Variants in GPR107 observed in about 807,000 individuals in gnomAD.
GPR107 encodes the protein protein GPR107.
In GPR107, 31 loss-of-function variants were observed where a neutral mutation model predicts 75.5. That is an observed-to-expected ratio of 0.41 (90% CI 0.31 to 0.55). The LOEUF (loss-of-function observed/expected upper bound fraction) is 0.55, where lower values mean the gene tolerates loss of function less well. GPR107 is among the 20% of genes least tolerant of loss of function. The pLI, the probability that GPR107 is intolerant of heterozygous loss-of-function variation, is 0.26. For synonymous variants in GPR107, 267 were observed against 251.3 expected (o/e 1.06, Z -0.59); for missense variants, 572 against 665.7 (o/e 0.86, Z 1.55).
intron 14 of GPR107, among the ~76,000 whole-genome samples, chr9:130,124,300 G>A (rs80139627): frequency 0.04 from 6,138 of 152,268 alleles, 413 homozygotes; most frequent in African/African-American, 0.14. Context: ...TTTCAGAGCC[G>A]TAGGCAGTGT....
intron 5 of GPR107, among the ~76,000 whole-genome samples, chr9:130,082,376 A>C (rs1830512557): frequency 6.6e-6 from 1 of 152,032 alleles, no homozygotes; most frequent in African/African-American, 2.4e-5. Flanking sequence ...CTTTGTGCTC[A>C]TATCACCGTT....
rs2132575844 is a variant in GPR107 at position 130,083,618 on chromosome 9, C to T, written c.564+16C>T. ...GGATTCAAAGGTAAGAACTAACCAC[C>T]CTTTTGTGCTCAGCTTTTCTGGATA... is the stretch of plus-strand genomic sequence containing the variant. On this transcript the variant is annotated intron_variant, in intron 6 of 17. Coordinates refer to ENST00000347136, the MANE Select transcript of GPR107 (RefSeq NM_020960.5). 7.4e-6 allele frequency: 11 copies of T among 1,489,098 alleles called. No individual in the cohort carries two copies. The highest frequency in any genetic ancestry group is 9.8e-6 in the Non-Finnish European group (11 of 1,119,020). The allele number at this position is 1,489,098 out of a possible 1,614,324, so 92.2% of individuals were successfully genotyped here.
intron 1 of GPR107, among the ~76,000 whole-genome samples, chr9:130,061,188 C>T (rs1237231056): frequency 6.6e-6 from 1 of 152,070 alleles, no homozygotes; most frequent in Admixed American, 6.6e-5. Flanking sequence ...GACTAAGCCC[C>T]GACCTTTGTG....
At chr9:130,081,857 A>C (rs1321521501) in intron 5 of GPR107, among the ~76,000 whole-genome samples, 1 of 152,070 alleles carries the variant, frequency 6.6e-6, no homozygotes, top group Non-Finnish European at 1.5e-5. Flanking sequence ...GCCTGTCTCA[A>C]AACCAACCAC....
intron 15 of GPR107, among the ~76,000 whole-genome samples, chr9:130,125,206 C>T (rs536512666): frequency 2.1e-4 from 30 of 141,872 alleles, no homozygotes; most frequent in African/African-American, 6.2e-4. Context: ...TCAAGCTTTC[C>T]GAGTAGCTGG....
chr9:130,065,214 GC>G (rs1241324302), intron 1 of GPR107, among the ~76,000 whole-genome samples: 5 of 152,100 alleles, frequency 3.3e-5, no homozygotes, highest in Non-Finnish European at 7.4e-5. Context: ...ACTTTGGGAG[GC>G]CGAGGTGGGC....
intron 14 of GPR107, among the ~76,000 whole-genome samples, chr9:130,108,401 T>A: frequency 6.6e-6 from 1 of 152,264 alleles, no homozygotes; most frequent in African/African-American, 2.4e-5. Flanking sequence ...GCATAGTAGC[T>A]GTAAATCTTC....
intron 1 of GPR107, among the ~76,000 whole-genome samples, chr9:130,067,747 G>A (rs1489433714): frequency 1.2e-4 from 6 of 51,772 alleles, no homozygotes; most frequent in African/African-American, 3.0e-4. Flanking sequence ...CCCCCCCACC[G>A]CCCCCTTTTT....
intron 14 of GPR107, chr9:130,108,922 C>T (rs1831227742): frequency 2.9e-6 from 1 of 342,192 alleles, no homozygotes; most frequent in Non-Finnish European, 5.6e-6. Context: ...CCCAGTAAAG[C>T]ACCCTGCCAT....
At chr9:130,068,409 A>G (rs988278356) in intron 1 of GPR107, among the ~76,000 whole-genome samples, 6 of 141,282 alleles carry the variant, frequency 4.2e-5, no homozygotes, top group Non-Finnish European at 9.2e-5. Context: ...CGCGGAATTC[A>G]TTGGCAACTG....
chr9:130,085,003 C>T (rs748154133), intron 6 of GPR107, among the ~76,000 whole-genome samples: 1 of 152,004 alleles, frequency 6.6e-6, no homozygotes, highest in African/African-American at 2.4e-5. Flanking sequence ...AGCACTGGCT[C>T]GTTTGAAGTA....
intron 7 of GPR107, among the ~76,000 whole-genome samples, chr9:130,087,941 G>A (rs923862164): frequency 2.0e-5 from 3 of 151,846 alleles, no homozygotes; most frequent in African/African-American, 7.3e-5. Context: ...CATCTTCTGC[G>A]AAAGCCCCTC....
rs1489454468 is a variant in GPR107, at chr9:130,136,855, A to G, written c.*1734A>G. ...GCCACAGCTGCTCACCTCTCGGCAG[A>G]TATTTTAGGCAAGCATCCGTGTGTC... On this transcript the variant is annotated 3_prime_UTR_variant, in exon 18 of 18. Coordinates refer to ENST00000347136, the MANE Select transcript of GPR107 (RefSeq NM_020960.5). 4 of 152,192 alleles carry G rather than the reference A, an allele frequency of 2.6e-5. No homozygotes were observed. Among genetic ancestry groups the G allele is most frequent in the East Asian group, 1.9e-4 (1 of 5,190 alleles). The allele number at this position is 152,192 out of a possible 1,614,324, so 9.4% of individuals were successfully genotyped here.
At chr9:130,082,076 CTT>C (rs1830505081) in intron 5 of GPR107, among the ~76,000 whole-genome samples, 1 of 152,086 alleles carries the variant, frequency 6.6e-6, no homozygotes, top group East Asian at 1.9e-4. Context: ...GTGCCACACT[CTT>C]TTAAACAACC....
At chr9:130,115,304 A>G (rs1192662065) in intron 14 of GPR107, among the ~76,000 whole-genome samples, 1 of 152,142 alleles carries the variant, frequency 6.6e-6, no homozygotes, top group Non-Finnish European at 1.5e-5. Context: ...TGATTTGGAT[A>G]GGAACACACC....
chr9:130,057,102 T>C (rs1336754084), intron 1 of GPR107, among the ~76,000 whole-genome samples: 1 of 151,884 alleles, frequency 6.6e-6, no homozygotes, highest in Non-Finnish European at 1.5e-5. Context: ...CTGTTTTGCT[T>C]GAGACTGAGT....
At chr9:130,125,080 G>A (rs1295939825) in intron 15 of GPR107, 116 bp downstream of exon 15, 6 of 379,250 alleles carry the variant, frequency 1.6e-5, no homozygotes, top group South Asian at 6.9e-5. Flanking sequence ...GAGCTGAGCA[G>A]TGTGGCTTGC....
At chr9:130,074,427 C>T (rs983894115) in intron 1 of GPR107, among the ~76,000 whole-genome samples, 1 of 152,162 alleles carries the variant, frequency 6.6e-6, no homozygotes, top group Non-Finnish European at 1.5e-5. Context: ...GAAGGTGTTG[C>T]AATTTAGCCA....
In GPR107 at chr9:130,099,475, C is replaced by A; in HGVS notation, c.882C>A (p.Ile294=). ...TTTATAGGAATGATGTATTTAAAAT[C>A]CACTGGCTGATGGCGGCCCTTCCTT... ...LRKRRNDVFK[I]HWLMAALPFT... Residue 294 remains isoleucine, a synonymous_variant, in exon 10 of 18, where the codon ATC becomes ATA. Coordinates refer to ENST00000347136, the MANE Select transcript of GPR107 (RefSeq NM_020960.5). 6.3e-7 allele frequency: 1 copy of A among 1,595,676 alleles called. No homozygotes were observed. The highest frequency in any genetic ancestry group is 8.6e-7 in the Non-Finnish European group (1 of 1,163,380).
Sources: gnomAD v4.1 joint callset for allele counts (sites outside exome capture counted in the v4.1 genomes callset) on GRCh38, gnomAD v4.1.1 for gene constraint, MANE v1.5 for transcripts, NCBI Gene and HGNC (gene_info 2026-07-23, HGNC 2026-07-21) for gene names.